The following SUGT1 variants were observed in gnomAD, a reference collection of about 807,000 sequenced individuals.
SUGT1 encodes the protein SGT1 assembly cochaperone of MIS12 kinetochore complex, also known as protein SGT1 homolog.
A neutral mutation model predicts 56.1 loss-of-function variants in SUGT1; 15 were observed. That is an observed-to-expected ratio of 0.27 (90% CI 0.18 to 0.41). The LOEUF (loss-of-function observed/expected upper bound fraction) is 0.41. SUGT1 is among the 10% of genes least tolerant of loss of function. The probability of loss-of-function intolerance (pLI) is 1.00; values close to 1 mark genes in which losing one functional copy is unlikely to be tolerated. For missense variants in SUGT1, 347 were observed against 382.2 expected (o/e 0.91, Z 0.77); for synonymous variants, 123 against 128.6 (o/e 0.96, Z 0.30).
rs1441724964 is a variant in SUGT1, at chr13:52,673,921, A to G, written c.628-2309A>G. Among the ~76,000 whole-genome samples, 5 of 152,340 alleles carry G rather than the reference A, an allele frequency of 3.3e-5. No individual in the cohort carries two copies. In the East Asian group the frequency reaches 9.6e-4, roughly 29 times the overall value. On this transcript the variant is annotated intron_variant, in intron 10 of 12. Coordinates refer to ENST00000310528, the MANE Select transcript of SUGT1 (RefSeq NM_006704.5). ...TGACAACTTAAAGTAACCAGAATAT[A>G]GAAGATATTGGTGGTATATTACTTT...
chr13:52,683,464 C>T (rs1445970839), intron 12 of SUGT1, among the ~76,000 whole-genome samples: 1 of 152,118 alleles, frequency 6.6e-6, no homozygotes, highest in Non-Finnish European at 1.5e-5. Flanking sequence ...ATGAGCCCTA[C>T]TTTGTCATAT....
At chr13:52,658,100 G>A in intron 3 of SUGT1, 2 of 1,285,158 alleles carry the variant, frequency 1.6e-6, no homozygotes, top group South Asian at 1.5e-5. Context: ...TCTGAATAGG[G>A]AAAAACTGAA....
At chr13:52,660,006 T>A (rs1962367829) in intron 5 of SUGT1, among the ~76,000 whole-genome samples, 1 of 151,004 alleles carries the variant, frequency 6.6e-6, no homozygotes, top group Non-Finnish European at 1.5e-5. Flanking sequence ...TTTTTTTGTA[T>A]TTTTAGTAGA....
intron 5 of SUGT1, among the ~76,000 whole-genome samples, chr13:52,662,246 A>G (rs4885804): frequency 0.96 from 145,575 of 152,158 alleles, 69,658 homozygotes; most frequent in East Asian, 0.99. Context: ...ACGGCTTTTG[A>G]ACCTCAACTC....
chr13:52,679,901 T>C, intron 11 of SUGT1, 73 bp from the exon 12 acceptor site: 2 of 1,436,520 alleles, frequency 1.4e-6, no homozygotes, highest in Non-Finnish European at 1.9e-6. Context: ...ATATACATGG[T>C]CACAAAGTTT....
intron 11 of SUGT1, among the ~76,000 whole-genome samples, chr13:52,678,648 AAAG>A (rs1963246055): frequency 6.7e-6 from 1 of 148,460 alleles, no homozygotes; most frequent in African/African-American, 2.5e-5. Flanking sequence ...AGTATGAAAA[AAAG>A]AATATAAAAT....
At chr13:52,656,995 C>G (rs1048155228) in intron 2 of SUGT1, among the ~76,000 whole-genome samples, 3 of 152,106 alleles carry the variant, frequency 2.0e-5, no homozygotes, top group Admixed American at 2.0e-4. Flanking sequence ...GGGCTTTGAA[C>G]AGAATATTTA....
intron 12 of SUGT1, among the ~76,000 whole-genome samples, chr13:52,685,229 G>T (rs1037729747): frequency 1.4e-5 from 2 of 146,412 alleles, no homozygotes; most frequent in Non-Finnish European, 3.0e-5. Flanking sequence ...ACCACACCTG[G>T]CTATTTTTCT....
rs750164765 is a variant in SUGT1 at position 52,666,907 on chromosome 13, A to G, written c.615A>G (p.Val205=). Reference sequence around the variant, plus strand: ...TACCAGAACAGAGCACGTTTAAAGTACTTTCAACAAAGGTAAGACCATTGA... The same window carrying G: ...TACCAGAACAGAGCACGTTTAAAGTGCTTTCAACAAAGGTAAGACCATTGA... The part of the protein sequence containing the change: ...PIIPEQSTFK[V]LSTKIEIKLK... The change falls in exon 10 of 13, where the codon GTA becomes GTG. Residue 205 remains valine (V), a synonymous_variant. Coordinates refer to ENST00000310528, the MANE Select transcript of SUGT1 (RefSeq NM_006704.5). The G allele has an allele frequency of 3.7e-6, 6 of 1,610,378 alleles. No homozygotes were observed. The highest frequency in any genetic ancestry group is 5.1e-6 in the Non-Finnish European group (6 of 1,178,150).
At chr13:52,663,164 A>G (rs775948962) in intron 7 of SUGT1, 52 bp downstream of exon 7, 17 of 1,569,526 alleles carry the variant, frequency 1.1e-5, no homozygotes, top group Non-Finnish European at 1.5e-5. Flanking sequence ...AATTTCAGCT[A>G]CCAAATATAT....
intron 12 of SUGT1, among the ~76,000 whole-genome samples, chr13:52,684,552 T>G (rs182192514): frequency 1.3e-5 from 2 of 152,040 alleles, no homozygotes. Context: ...TATTCACTCA[T>G]TTTTGAGACA....
rs904922071 is a variant in SUGT1 at position 52,692,516 on chromosome 13, T to C, written c.*4681T>C. 1 of 152,188 alleles carries C rather than the reference T, an allele frequency of 6.6e-6. No homozygotes were observed. Among genetic ancestry groups the C allele is most frequent in the African/African-American group, 2.4e-5 (1 of 41,376 alleles). The allele number at this position is 152,188 out of a possible 1,614,324, so 9.4% of individuals were successfully genotyped here. A position where few individuals can be genotyped will look rare whatever the true frequency, so the allele number is the denominator to read the frequency against. The stretch of plus-strand genomic sequence containing the variant: ...ACCTCCACCTCCCAGGTTCAAGTAA[T>C]TCTTCTGCCTCAGCCTCCTGAGTAG... On this transcript the variant is annotated 3_prime_UTR_variant, in exon 13 of 13. Coordinates refer to ENST00000310528, the MANE Select transcript of SUGT1 (RefSeq NM_006704.5).
At position 52,678,923 on chromosome 13, in the gene SUGT1, T is replaced by G. The variant is rs541336006; in HGVS notation, c.719-1051T>G. Reference sequence around the variant, plus strand: ...GTCTCACACTTCTGGCCTCAAGCAATCCTCCTACTTGGCCTCCCAAAGTGC... The same window carrying G: ...GTCTCACACTTCTGGCCTCAAGCAAGCCTCCTACTTGGCCTCCCAAAGTGC... On this transcript the variant is annotated intron_variant, in intron 11 of 12. Transcript: ENST00000310528. 3.3e-5 allele frequency among the ~76,000 whole-genome samples: 5 copies of G among 152,152 alleles called. No homozygotes were observed. The East Asian group carries it at 9.6e-4, about 29-fold the overall frequency.
At chr13:52,674,082 T>C (rs9536233) in intron 10 of SUGT1, among the ~76,000 whole-genome samples, 4,992 of 116,694 alleles carry the variant, frequency 0.043, 117 homozygotes, top group Middle Eastern at 0.12. Context: ...TTTGACAGAG[T>C]CTCGCTCTGT....
intron 12 of SUGT1, among the ~76,000 whole-genome samples, chr13:52,683,611 G>A (rs61959616): frequency 0.036 from 5,456 of 152,202 alleles, 130 homozygotes; most frequent in South Asian, 0.064. Flanking sequence ...AATGAATTAG[G>A]AAGCATTGCA....
chr13:52,671,181 G>A (rs1482840340), intron 10 of SUGT1, among the ~76,000 whole-genome samples: 1 of 151,334 alleles, frequency 6.6e-6, no homozygotes, highest in Non-Finnish European at 1.5e-5. Flanking sequence ...GTTTTCTTTT[G>A]CTTTTTTAGT....
At chr13:52,673,943 C>T (rs993066540) in intron 10 of SUGT1, among the ~76,000 whole-genome samples, 3 of 150,726 alleles carry the variant, frequency 2.0e-5, no homozygotes, top group African/African-American at 7.3e-5. Flanking sequence ...TGGTATATTA[C>T]TTTATAAAAA....
chr13:52,656,955 G>A (rs1962195366), intron 2 of SUGT1, among the ~76,000 whole-genome samples: 1 of 152,174 alleles, frequency 6.6e-6, no homozygotes. Context: ...ACTCTTGGTA[G>A]TTGACATAGC....
rs533536090 is a variant in SUGT1 at position 52,679,761 on chromosome 13, C to G, written c.719-213C>G. On this transcript the variant is annotated intron_variant, in intron 11 of 12. Transcript: ENST00000310528. ...TTGAGTTATTTTGCTCAAAAGAAAT[C>G]CCCAGATTTTACATTATGGTAACTG... Among the ~76,000 whole-genome samples, 71 of 152,222 alleles carry G rather than the reference C, an allele frequency of 4.7e-4. 1 individual carries two copies. The South Asian group carries it at 0.013, about 28-fold the overall frequency.
Sources: allele counts gnomAD v4.1 joint callset (sites outside exome capture counted in the v4.1 genomes callset), GRCh38; gene constraint gnomAD v4.1.1; transcripts MANE v1.5; gene names NCBI Gene and HGNC (gene_info 2026-07-23, HGNC 2026-07-21).